The following LPIN2 variants were observed in gnomAD, a reference collection of about 807,000 sequenced individuals.
LPIN2 encodes the protein lipin 2.
In LPIN2, 55 loss-of-function variants were observed where a neutral mutation model predicts 111.4. That is an observed-to-expected ratio of 0.49 (90% CI 0.40 to 0.62). LPIN2 has a LOEUF of 0.62. LPIN2 is among the 20% of genes least tolerant of loss of function. The pLI, the probability that LPIN2 is intolerant of heterozygous loss-of-function variation, is 0.00. For synonymous variants in LPIN2, 425 were observed against 414.0 expected, an observed-to-expected ratio of 1.03 and a Z score of -0.32; for missense variants, 992 against 1,112.1, an observed-to-expected ratio of 0.89 and a Z score of 1.54.
At chr18:2,934,079 T>C (rs1388928721) in intron 8 of LPIN2, among the ~76,000 whole-genome samples, 2 of 152,374 alleles carry the variant, frequency 1.3e-5, no homozygotes, top group Non-Finnish European at 1.5e-5. Context: ...CTACAGGAAA[T>C]GCTAATCAGA....
At chr18:3,008,365 C>G (rs1267705157) in intron 1 of LPIN2, among the ~76,000 whole-genome samples, 1 of 152,174 alleles carries the variant, frequency 6.6e-6, no homozygotes, top group African/African-American at 2.4e-5. Context: ...TCGCTTGAGC[C>G]CTAGAAGCGG....
intron 10 of LPIN2, 104 bp downstream of exon 10, chr18:2,928,961 G>A (rs2077174939): frequency 2.5e-6 from 2 of 811,366 alleles, no homozygotes; most frequent in Non-Finnish European, 4.3e-6. Flanking sequence ...TATATGAGAT[G>A]ACAAGTTTTA....
intron 1 of LPIN2, among the ~76,000 whole-genome samples, chr18:2,999,217 G>A (rs958641643): frequency 1.3e-5 from 2 of 152,198 alleles, no homozygotes; most frequent in African/African-American, 4.8e-5. Flanking sequence ...ACCTTATTTG[G>A]AAAGGGGATC....
chr18:3,002,394 A>G (rs1485027752), intron 1 of LPIN2, among the ~76,000 whole-genome samples: 4 of 152,218 alleles, frequency 2.6e-5, no homozygotes, highest in Non-Finnish European at 5.9e-5. Context: ...ATAGAAAAAC[A>G]TTAGAGGCCT....
intron 1 of LPIN2, among the ~76,000 whole-genome samples, chr18:2,963,107 T>C (rs1435130672): frequency 6.6e-6 from 1 of 152,168 alleles, no homozygotes; most frequent in African/African-American, 2.4e-5. Context: ...TGACAGATAA[T>C]GAAACAATGA....
intron 1 of LPIN2, chr18:2,990,755 G>T: frequency 2.9e-6 from 1 of 349,050 alleles, no homozygotes; most frequent in South Asian, 2.4e-5. Flanking sequence ...TATTAGAAAT[G>T]GATGGAAGAA....
At position 2,923,691 on chromosome 18, in the gene LPIN2, A is replaced by C. The variant is rs1260941130; in HGVS notation, c.2174+84T>G. 4 of 1,112,070 alleles carry C rather than the reference A, an allele frequency of 3.6e-6. No homozygotes were observed. The Admixed American group carries it at 6.7e-5, about 19-fold the overall frequency. The allele number at this position is 1,112,070 out of a possible 1,614,324, so 68.9% of individuals were successfully genotyped here. A position where few individuals can be genotyped will look rare whatever the true frequency, so the allele number is the denominator to read the frequency against. ...CAGCATAAACACATGACTCATGTGG[A>C]CTGAAGACTTACACCATTGTTCTAT... On this transcript the variant is annotated intron_variant, in intron 16 of 19. Coordinates refer to ENST00000677752, the MANE Select transcript of LPIN2 (RefSeq NM_001375808.2).
chr18:2,957,639 G>A (rs2077632632), intron 2 of LPIN2, among the ~76,000 whole-genome samples: 1 of 152,084 alleles, frequency 6.6e-6, no homozygotes, highest in Non-Finnish European at 1.5e-5. Flanking sequence ...TCTGTAGGAA[G>A]CTCTCTCTCC....
At chr18:2,961,914 G>A (rs1420916696) in intron 1 of LPIN2, among the ~76,000 whole-genome samples, 2 of 152,200 alleles carry the variant, frequency 1.3e-5, no homozygotes, top group South Asian at 2.1e-4. Context: ...TCTCCAGGCT[G>A]TCTGCCATAA....
At chr18:2,970,691 A>G (rs189742211) in intron 1 of LPIN2, among the ~76,000 whole-genome samples, 120 of 152,378 alleles carry the variant, frequency 7.9e-4, no homozygotes, top group Middle Eastern at 3.4e-3. Flanking sequence ...ACATGCTTCA[A>G]ACATAACCCA....
intron 1 of LPIN2, among the ~76,000 whole-genome samples, chr18:3,009,687 C>T (rs1006251236): frequency 4.6e-5 from 7 of 152,052 alleles, no homozygotes; most frequent in African/African-American, 1.2e-4. Flanking sequence ...GTGATCCGCC[C>T]GCCTCGGCCT....
chr18:3,004,335 T>C (rs1351930329), intron 1 of LPIN2, among the ~76,000 whole-genome samples: 1 of 152,180 alleles, frequency 6.6e-6, no homozygotes, highest in African/African-American at 2.4e-5. Context: ...GGGGTCATCA[T>C]TACGGTCCTA....
Position 2,923,760 on chromosome 18 carries a change from G to T in LPIN2, c.2174+15C>A. The T allele has an allele frequency of 6.2e-7, 1 of 1,608,944 alleles. No individual in the cohort carries two copies. Among genetic ancestry groups the T allele is most frequent in the Non-Finnish European group, 8.5e-7 (1 of 1,175,312 alleles). ...CCAGCTCACCAGAGCGAGTTAACGT[G>T]GGGAGGGTACCTACTCATTGATGGA... On this transcript the variant is annotated intron_variant, in intron 16 of 19. Transcript: ENST00000677752.
At chr18:2,940,056 T>C (rs898794356) in intron 5 of LPIN2, among the ~76,000 whole-genome samples, 1 of 152,216 alleles carries the variant, frequency 6.6e-6, no homozygotes, top group African/African-American at 2.4e-5. Flanking sequence ...GTGGGCACAA[T>C]GTCTCATGTC....
intron 1 of LPIN2, among the ~76,000 whole-genome samples, chr18:2,985,970 TGAAGAA>T (rs1396710224): frequency 6.6e-6 from 1 of 152,164 alleles, no homozygotes; most frequent in Non-Finnish European, 1.5e-5. Context: ...TCCTCTATAG[TGAAGAA>T]CCTAAGTGCA....
At chr18:2,996,206 G>A (rs1431122888) in intron 1 of LPIN2, among the ~76,000 whole-genome samples, 2 of 151,964 alleles carry the variant, frequency 1.3e-5, no homozygotes, top group Non-Finnish European at 2.9e-5. Flanking sequence ...TGAGCGTGGT[G>A]GTGCATGCCT....
chr18:3,007,258 G>A (rs1187032337), intron 1 of LPIN2, among the ~76,000 whole-genome samples: 2 of 152,022 alleles, frequency 1.3e-5, no homozygotes, highest in Admixed American at 6.6e-5. Flanking sequence ...TGCAAGCTCC[G>A]CCTCCCAGGT....
rs370896659 is a variant in LPIN2 at position 2,931,295 on chromosome 18, G to T, written c.1417C>A (p.Leu473Ile). ...CCATTTTCACTGAGGCCCCCGCAAA[G>T]GGAGAGGGTAACGTCAGGCAAGTCC... Reference protein sequence around the residue: ...AMDLPDVTLSLCGGLSENGEI... With the variant: ...AMDLPDVTLSICGGLSENGEI... The change falls in exon 9 of 20, where the codon CTT becomes ATT. Residue 473 changes from leucine to isoleucine, a missense_variant. Coordinates refer to ENST00000677752, the MANE Select transcript of LPIN2 (RefSeq NM_001375808.2). 1.6e-5 allele frequency: 26 copies of T among 1,614,088 alleles called. No individual in the cohort carries two copies. Among genetic ancestry groups the T allele is most frequent in the Non-Finnish European group, 1.9e-5 (23 of 1,180,052 alleles).
intron 18 of LPIN2, 67 bp from the exon 19 acceptor site, chr18:2,920,948 T>A: frequency 6.5e-6 from 7 of 1,076,072 alleles, no homozygotes; most frequent in Non-Finnish European, 1.0e-5. Context: ...CTCAGGCTCC[T>A]TGTGAGCCAG....
Sources: allele counts gnomAD v4.1 joint callset (sites outside exome capture counted in the v4.1 genomes callset), GRCh38; gene constraint gnomAD v4.1.1; transcripts MANE v1.5; gene names NCBI Gene and HGNC (gene_info 2026-07-23, HGNC 2026-07-21).